Variants in MAML2 observed in about 807,000 individuals in gnomAD.
MAML2 encodes mastermind like transcriptional coactivator 2.
In MAML2, 22 loss-of-function variants were observed where a neutral mutation model predicts 96.1. The ratio of observed to expected loss-of-function variants is 0.23; its 90% confidence interval spans 0.16 to 0.33. The LOEUF (loss-of-function observed/expected upper bound fraction) is 0.33, where lower values mean the gene tolerates loss of function less well. Ranked by LOEUF, MAML2 falls within the 10% of genes least tolerant of loss-of-function variation. MAML2 has a pLI of 1.00. For synonymous variants in MAML2, 561 were observed against 521.3 expected, an observed-to-expected ratio of 1.08 and a Z score of -1.04; for missense variants, 1,367 against 1,392.4, an observed-to-expected ratio of 0.98 and a Z score of 0.29.
chr11:95,978,020 G>C lies in MAML2; in HGVS notation c.*928C>G, dbSNP rs889855053. 1.3e-4 allele frequency: 28 copies of C among 219,490 alleles called. No homozygotes were observed. Among genetic ancestry groups the C allele is most frequent in the African/African-American group, 6.3e-4 (28 of 44,576 alleles). 13.6% of individuals were successfully genotyped at this position (219,490 alleles called of 1,614,324 possible). ...CAGCCTCAGTCATCAAAATGAGTAGGGAGGACGAGGTTCAATTTCACTCAG... is the reference window on the plus strand; with the variant it reads ...CAGCCTCAGTCATCAAAATGAGTAGCGAGGACGAGGTTCAATTTCACTCAG... On this transcript the variant is annotated 3_prime_UTR_variant, in exon 5 of 5. Transcript: ENST00000524717.
At chr11:96,315,681 G>A (rs781040498) in intron 1 of MAML2, among the ~76,000 whole-genome samples, 10 of 152,106 alleles carry the variant, frequency 6.6e-5, no homozygotes, top group African/African-American at 2.2e-4. Flanking sequence ...CTCATCATGC[G>A]TGGTACCCAG....
At chr11:96,008,726 C>T (rs1017825383) in intron 2 of MAML2, among the ~76,000 whole-genome samples, 1 of 152,204 alleles carries the variant, frequency 6.6e-6, no homozygotes, top group African/African-American at 2.4e-5. Context: ...AATTTAAAAT[C>T]AGTCAACTAT....
chr11:95,990,472 C>T (rs1857891921), intron 3 of MAML2, among the ~76,000 whole-genome samples: 1 of 152,176 alleles, frequency 6.6e-6, no homozygotes, highest in Admixed American at 6.5e-5. Context: ...TCATCTCTTA[C>T]TCCACTTTCA....
At chr11:96,153,798 C>T (rs1860966230) in intron 1 of MAML2, among the ~76,000 whole-genome samples, 1 of 152,088 alleles carries the variant, frequency 6.6e-6, no homozygotes, top group Non-Finnish European at 1.5e-5. Context: ...GCAATCCTAG[C>T]TAATCAGGAG....
chr11:96,068,708 T>A (rs1859287564), intron 2 of MAML2, among the ~76,000 whole-genome samples: 1 of 151,662 alleles, frequency 6.6e-6, no homozygotes, highest in Non-Finnish European at 1.5e-5. Context: ...CAGGCACCTG[T>A]AGTCCCAGCT....
chr11:95,986,324 A>C (rs960843882), intron 3 of MAML2, among the ~76,000 whole-genome samples: 26 of 151,446 alleles, frequency 1.7e-4, no homozygotes, highest in African/African-American at 5.8e-4. Flanking sequence ...CCTCCTCCTG[A>C]GCCCCTGGGA....
Position 95,979,586 on chromosome 11 carries a change from C to T in MAML2, c.2833G>A (p.Ala945Thr), listed in dbSNP as rs1857701944. The change falls in exon 5 of 5, where the codon GCA (alanine) becomes ACA (threonine). Residue 945 changes from alanine (A) to threonine (T), a missense_variant. Ala to Thr is a moderately conservative substitution (Grantham distance 58). Transcript: ENST00000524717. ...GATGTTCTCTGTGGTGGCATGCTTG[C>T]CATACTATGGGTTAAATTTGGTCTC... ...QLRPNLTHSMASMPPQRTSNV... is the reference protein window; with the variant it reads ...QLRPNLTHSMTSMPPQRTSNV... The T allele has an allele frequency of 6.2e-7, 1 of 1,613,740 alleles. No individual in the cohort carries two copies. Among genetic ancestry groups the T allele is most frequent in the Non-Finnish European group, 8.5e-7 (1 of 1,179,884 alleles).
intron 1 of MAML2, among the ~76,000 whole-genome samples, chr11:96,337,794 A>G (rs914683038): frequency 6.6e-6 from 1 of 152,244 alleles, no homozygotes; most frequent in African/African-American, 2.4e-5. Context: ...TATTACTACT[A>G]ACACTAGTAT....
At chr11:96,294,411 C>A (rs779676248) in intron 1 of MAML2, among the ~76,000 whole-genome samples, 1 of 152,076 alleles carries the variant, frequency 6.6e-6, no homozygotes, top group Non-Finnish European at 1.5e-5. Flanking sequence ...CACATGGTGA[C>A]CTTGGGGTAG....
rs1353433846 is a variant in MAML2 at position 96,342,921 on chromosome 11, A to G, written c.-1026T>C. The G allele has an allele frequency of 2.6e-6, 1 of 377,478 alleles. No individual in the cohort carries two copies. The highest frequency in any genetic ancestry group is 4.7e-6 in the Non-Finnish European group (1 of 213,162). 23.4% of individuals were successfully genotyped at this position (377,478 alleles called of 1,614,324 possible). On this transcript the variant is annotated 5_prime_UTR_variant, in exon 1 of 5. Transcript: ENST00000524717. ...GGTCAAACTTACAAACTTCCAGCAA[A>G]TTGCACCGAGTCATGTCCAGCCACT...
intron 1 of MAML2, among the ~76,000 whole-genome samples, chr11:96,116,923 A>G (rs1473698790): frequency 6.6e-6 from 1 of 152,268 alleles, no homozygotes; most frequent in Non-Finnish European, 1.5e-5. Flanking sequence ...CGTTTTATAA[A>G]GAACAAAGGC....
intron 1 of MAML2, among the ~76,000 whole-genome samples, chr11:96,275,759 C>T (rs1862980545): frequency 6.6e-6 from 1 of 152,132 alleles, no homozygotes; most frequent in African/African-American, 2.4e-5. Context: ...AAAAATATTT[C>T]CTTATCCTAC....
At chr11:95,986,569 C>T (rs974853034) in intron 3 of MAML2, among the ~76,000 whole-genome samples, 4 of 151,984 alleles carry the variant, frequency 2.6e-5, no homozygotes, top group East Asian at 3.8e-4. Flanking sequence ...CAACAGGTAC[C>T]GATATAGGCA....
At chr11:96,248,641 T>C (rs1277152701) in intron 1 of MAML2, among the ~76,000 whole-genome samples, 2 of 152,142 alleles carry the variant, frequency 1.3e-5, no homozygotes, top group Admixed American at 1.3e-4. Context: ...TCTAATTGGA[T>C]CATTCTCATC....
At chr11:96,113,604 G>GAA (rs61518039) in intron 1 of MAML2, among the ~76,000 whole-genome samples, 125,798 of 139,082 alleles carry the variant, frequency 0.9, 56,810 homozygotes, top group East Asian at 0.99. Context: ...CCCGTTGTTT[G>GAA]AAAAAAAAAA....
chr11:95,977,720 G>T lies in MAML2; in HGVS notation c.*1228C>A. 4.5e-6 allele frequency: 1 copy of T among 223,334 alleles called. No individual in the cohort carries two copies. The highest frequency in any genetic ancestry group is 9.0e-6 in the Non-Finnish European group (1 of 111,680). 13.8% of individuals were successfully genotyped at this position (223,334 alleles called of 1,614,324 possible). ...GAGGGACAAAACCTGGATATGAAGAGTCCATCTAGCATGTGGCAATGATTC... is the reference window on the plus strand; with the variant it reads ...GAGGGACAAAACCTGGATATGAAGATTCCATCTAGCATGTGGCAATGATTC... On this transcript the variant is annotated 3_prime_UTR_variant, in exon 5 of 5. Coordinates refer to ENST00000524717, the MANE Select transcript of MAML2 (RefSeq NM_032427.4).
At chr11:96,211,602 G>A (rs1281558121) in intron 1 of MAML2, among the ~76,000 whole-genome samples, 1 of 152,162 alleles carries the variant, frequency 6.6e-6, no homozygotes, top group African/African-American at 2.4e-5. Context: ...GAAGATCAGA[G>A]GTATGGGGGC....
intron 1 of MAML2, among the ~76,000 whole-genome samples, chr11:96,189,982 TAAAA>T (rs1031507651): frequency 9.2e-5 from 14 of 152,084 alleles, no homozygotes; most frequent in Admixed American, 9.2e-4. Flanking sequence ...GACACAAAGA[TAAAA>T]AAAATCTTAA....
chr11:96,030,122 C>T (rs1402274472), intron 2 of MAML2, among the ~76,000 whole-genome samples: 1 of 151,850 alleles, frequency 6.6e-6, no homozygotes, highest in African/African-American at 2.4e-5. Flanking sequence ...AATCCCTCAG[C>T]CTACTCGGGA....
Sources: allele counts gnomAD v4.1 joint callset (sites outside exome capture counted in the v4.1 genomes callset), GRCh38; gene constraint gnomAD v4.1.1; transcripts MANE v1.5; gene names NCBI Gene and HGNC (gene_info 2026-07-23, HGNC 2026-07-21).